The following SLC36A1 variants were observed in gnomAD, a reference collection of about 807,000 sequenced individuals.
The protein encoded by SLC36A1 is proton-coupled amino acid transporter 1.
Under a neutral mutation model 47.5 loss-of-function variants are expected in SLC36A1, and 30 were observed. The observed-to-expected ratio is 0.63, with a 90% CI of 0.47 to 0.86. The LOEUF (loss-of-function observed/expected upper bound fraction) is 0.86, where lower values mean the gene tolerates loss of function less well. SLC36A1 is among the 40% of genes least tolerant of loss of function. SLC36A1 has a pLI of 0.00. For missense variants in SLC36A1, 517 were observed against 606.0 expected, an observed-to-expected ratio of 0.85 and a Z score of 1.54; for synonymous variants, 255 against 249.7, an observed-to-expected ratio of 1.02 and a Z score of -0.20.
At chr5:151,401,244 G>T in the SLC36A1 span, among the ~76,000 whole-genome samples, 8 of 152,202 alleles carry the variant, frequency 5.3e-5, no homozygotes, top group East Asian at 1.5e-3. Flanking sequence ...ATATGTTCTA[G>T]CCAGTTATCC....
chr5:151,446,907 G>A (rs1208616996), upstream of SLC36A1, among the ~76,000 whole-genome samples: 1 of 152,082 alleles, frequency 6.6e-6, no homozygotes, highest in Non-Finnish European at 1.5e-5. Flanking sequence ...CTCCCTTCAT[G>A]GCCATTAATA....
the SLC36A1 span, among the ~76,000 whole-genome samples, chr5:151,551,157 G>A: frequency 2.4e-4 from 37 of 152,320 alleles, no homozygotes; most frequent in African/African-American, 8.7e-4. Flanking sequence ...ACTGGCTGAA[G>A]CTAGAATAGA....
chr5:151,464,674 A>G, intron 4 of SLC36A1, 72 bp downstream of exon 4: 1 of 1,271,126 alleles, frequency 7.9e-7, no homozygotes, highest in Admixed American at 1.8e-5. Context: ...CCTGAAAATG[A>G]GCACTGATGC....
chr5:151,423,072 A>G, the SLC36A1 span, among the ~76,000 whole-genome samples: 1 of 152,228 alleles, frequency 6.6e-6, no homozygotes, highest in African/African-American at 2.4e-5. Flanking sequence ...GCAAATCCAT[A>G]CTACAATGAG....
At chr5:151,496,030 G>A (rs1760328445), downstream of SLC36A1, among the ~76,000 whole-genome samples, 1 of 152,236 alleles carries the variant, frequency 6.6e-6, no homozygotes, top group African/African-American at 2.4e-5. Context: ...ATATGCCCAG[G>A]AGCACAATTG....
the SLC36A1 span, among the ~76,000 whole-genome samples, chr5:151,377,549 G>A: frequency 7.9e-5 from 12 of 151,074 alleles, no homozygotes; most frequent in South Asian, 1.5e-3. Context: ...GGGTTTCACC[G>A]TGTTAGCCAG....
chr5:151,520,888 A>G, the SLC36A1 span, among the ~76,000 whole-genome samples: 2 of 152,236 alleles, frequency 1.3e-5, no homozygotes, highest in Non-Finnish European at 2.9e-5. Flanking sequence ...AGCACTTGAT[A>G]CATAGTACTG....
At position 151,490,343 on chromosome 5, in the gene SLC36A1, C is replaced by A. The variant is rs1333769875; in HGVS notation, c.*2089C>A. The A allele has an allele frequency of 2.0e-5, 3 of 152,288 alleles. No individual in the cohort carries two copies. Among genetic ancestry groups the A allele is most frequent in the Non-Finnish European group, 4.4e-5 (3 of 68,120 alleles). 9.4% of individuals were successfully genotyped at this position (152,288 alleles called of 1,614,324 possible). Reference sequence around the variant, plus strand: ...CGGGCTCTGGCAGCCCAGCCGCTATCTTAGCTGTCTTTCCCAGCGGTGCTA... The same window carrying A: ...CGGGCTCTGGCAGCCCAGCCGCTATATTAGCTGTCTTTCCCAGCGGTGCTA... On this transcript the variant is annotated 3_prime_UTR_variant, in exon 11 of 11. Coordinates refer to ENST00000243389, the MANE Select transcript of SLC36A1 (RefSeq NM_078483.4).
the SLC36A1 span, among the ~76,000 whole-genome samples, chr5:151,498,945 A>G: frequency 3.3e-5 from 5 of 152,132 alleles, no homozygotes. Context: ...CTGCTCGGCC[A>G]CTTTCCCCAG....
the SLC36A1 span, chr5:151,505,896 G>A: frequency 6.3e-7 from 1 of 1,598,284 alleles, no homozygotes; most frequent in Non-Finnish European, 8.5e-7. Context: ...GTAACGGGGT[G>A]GGAGAGGTGC....
chr5:151,542,625 G>A, the SLC36A1 span: 6 of 1,614,210 alleles, frequency 3.7e-6, no homozygotes, highest in Middle Eastern at 1.7e-4. Context: ...CAGACAGCCT[G>A]TAGCTCACCT....
At chr5:151,373,666 A>G in the SLC36A1 span, among the ~76,000 whole-genome samples, 2 of 152,352 alleles carry the variant, frequency 1.3e-5, no homozygotes, top group East Asian at 3.9e-4. Context: ...ACAGAAACTT[A>G]CATCTATAAA....
At chr5:151,386,949 T>C in the SLC36A1 span, 1 of 152,404 alleles carries the variant, frequency 6.6e-6, no homozygotes, top group Non-Finnish European at 1.5e-5. Flanking sequence ...AAACATTTAC[T>C]AAGCCTGGAA....
At chr5:151,453,334 T>C (rs796551659) in intron 1 of SLC36A1, among the ~76,000 whole-genome samples, 14 of 152,254 alleles carry the variant, frequency 9.2e-5, no homozygotes, top group African/African-American at 3.4e-4. Flanking sequence ...ATCCCAGATA[T>C]TATCATTGCA....
the SLC36A1 span, chr5:151,382,261 G>A: frequency 1.5e-6 from 2 of 1,331,902 alleles, no homozygotes; most frequent in Non-Finnish European, 2.2e-6. Flanking sequence ...CAGCCTGGGA[G>A]CTACATAGCA....
At chr5:151,426,814 G>A in the SLC36A1 span, among the ~76,000 whole-genome samples, 3 of 152,198 alleles carry the variant, frequency 2.0e-5, no homozygotes, top group Admixed American at 1.3e-4. Flanking sequence ...CCATACCCAG[G>A]CTTTCTTGGG....
rs1755864583 is a variant in SLC36A1 at position 151,463,455 on chromosome 5, T to C, written c.144-98T>C. The C allele has an allele frequency of 4.5e-6, 4 of 889,310 alleles. No homozygotes were observed. The Admixed American group carries it at 7.6e-5, about 17-fold the overall frequency. 55.1% of individuals were successfully genotyped at this position (889,310 alleles called of 1,614,324 possible). On this transcript the variant is annotated intron_variant, in intron 2 of 10. Transcript: ENST00000243389. ...TCTATAAGATAAAATCTTACAGGGT[T>C]GTTGTGGAAATAAAATAAGATAATG...
At chr5:151,394,352 A>C in the SLC36A1 span, among the ~76,000 whole-genome samples, 1 of 152,062 alleles carries the variant, frequency 6.6e-6, no homozygotes, top group Non-Finnish European at 1.5e-5. Context: ...GTTTGAACTT[A>C]CCCCTTTAGC....
the SLC36A1 span, among the ~76,000 whole-genome samples, chr5:151,537,313 A>AG: frequency 8.2e-5 from 4 of 48,938 alleles, 1 homozygote; most frequent in South Asian, 7.3e-3. Flanking sequence ...AGGGAAGAAA[A>AG]AGAAAGAGAA....
Sources: allele counts gnomAD v4.1 joint callset (sites outside exome capture counted in the v4.1 genomes callset), GRCh38; gene constraint gnomAD v4.1.1; transcripts MANE v1.5; gene names NCBI Gene and HGNC (gene_info 2026-07-23, HGNC 2026-07-21).